Variants in RYR2 observed in about 807,000 individuals in gnomAD.
RYR2 encodes the protein cardiac muscle ryanodine receptor-calcium release channel.
Under a neutral mutation model 601.1 loss-of-function variants are expected in RYR2, and 227 were observed. The ratio of observed to expected loss-of-function variants is 0.38; its 90% CI spans 0.34 to 0.42. The LOEUF (loss-of-function observed/expected upper bound fraction) is 0.42, where lower values mean the gene tolerates loss of function less well. Ranked by LOEUF, RYR2 falls within the 10% of genes least tolerant of loss-of-function variation. The pLI is 1.00. For missense variants in RYR2, 4,646 were observed against 6,156.5 expected (o/e 0.75, Z 8.21); for synonymous variants, 2,223 against 2,175.1 (o/e 1.02, Z -0.61).
chr1:237,227,823 T>C (rs1684552263), intron 1 of RYR2, among the ~76,000 whole-genome samples: 1 of 152,262 alleles, frequency 6.6e-6, no homozygotes, highest in Non-Finnish European at 1.5e-5. Flanking sequence ...ATTATCTTAC[T>C]TTTTTATTAA....
intron 10 of RYR2, among the ~76,000 whole-genome samples, chr1:237,402,195 A>T (rs1206309952): frequency 6.6e-6 from 1 of 151,330 alleles, no homozygotes; most frequent in Non-Finnish European, 1.5e-5. Context: ...GGAGTTCGAG[A>T]CCTGCCTGGG....
intron 1 of RYR2, among the ~76,000 whole-genome samples, chr1:237,073,747 T>C (rs1023389974): frequency 6.6e-6 from 1 of 151,864 alleles, no homozygotes; most frequent in African/African-American, 2.4e-5. Flanking sequence ...GGCATGCACC[T>C]GTAGTCCCAG....
intron 96 of RYR2, among the ~76,000 whole-genome samples, chr1:237,795,873 T>TATATATAC (rs140571706): frequency 1.6e-4 from 22 of 140,886 alleles, no homozygotes; most frequent in Admixed American, 2.8e-4. Context: ...TATATATATA[T>TATATATAC]ACACATATAT....
At chr1:237,696,329 T>C (rs1687430545) in intron 63 of RYR2, among the ~76,000 whole-genome samples, 2 of 152,136 alleles carry the variant, frequency 1.3e-5, no homozygotes, top group African/African-American at 4.8e-5. Flanking sequence ...ACTGGATCTC[T>C]TCCTCCTCAT....
intron 2 of RYR2, among the ~76,000 whole-genome samples, chr1:237,317,992 T>C (rs756115423): frequency 2.6e-5 from 4 of 152,170 alleles, no homozygotes; most frequent in African/African-American, 7.2e-5. Flanking sequence ...ATGTTGTTTT[T>C]TCATATGCCT....
At chr1:237,483,069 A>C (rs2150372212) in intron 17 of RYR2, among the ~76,000 whole-genome samples, 1 of 152,186 alleles carries the variant, frequency 6.6e-6, no homozygotes, top group South Asian at 2.1e-4. Flanking sequence ...CCAAGGTCTA[A>C]CAGGCTGGTT....
At chr1:237,364,404 T>C in intron 5 of RYR2, 32 bp downstream of exon 5, 1 of 1,278,188 alleles carries the variant, frequency 7.8e-7, no homozygotes, top group Non-Finnish European at 1.1e-6. Flanking sequence ...GCTATGTATA[T>C]ATATAGCAGA....
intron 84 of RYR2, among the ~76,000 whole-genome samples, chr1:237,767,666 ATTTT>A (rs1421018668): frequency 6.6e-6 from 1 of 152,176 alleles, no homozygotes; most frequent in Non-Finnish European, 1.5e-5. Flanking sequence ...CTGTAAGCTT[ATTTT>A]TTAAATTTAC....
At chr1:237,281,666 C>T (rs1051110291) in intron 2 of RYR2, among the ~76,000 whole-genome samples, 2 of 152,248 alleles carry the variant, frequency 1.3e-5, no homozygotes, top group African/African-American at 4.8e-5. Context: ...AGACTCCCCC[C>T]AGATGGTGCA....
At chr1:237,470,865 A>G (rs1434441482) in intron 17 of RYR2, among the ~76,000 whole-genome samples, 1 of 152,022 alleles carries the variant, frequency 6.6e-6, no homozygotes, top group Non-Finnish European at 1.5e-5. Context: ...ATAGGGAAAG[A>G]GAGAGGAAGA....
chr1:237,269,380 A>T (rs1372668506), intron 1 of RYR2, among the ~76,000 whole-genome samples: 1 of 152,072 alleles, frequency 6.6e-6, no homozygotes, highest in African/African-American at 2.4e-5. Flanking sequence ...AAATAAAAAA[A>T]AAAACAACTT....
chr1:237,107,236 C>G (rs79236044), intron 1 of RYR2, among the ~76,000 whole-genome samples: 201 of 152,200 alleles, frequency 1.3e-3, no homozygotes, highest in African/African-American at 4.7e-3. Flanking sequence ...GTACTATGAG[C>G]CCCACTTAGG....
At chr1:237,480,031 A>G (rs768677765) in intron 17 of RYR2, among the ~76,000 whole-genome samples, 1 of 152,130 alleles carries the variant, frequency 6.6e-6, no homozygotes, top group African/African-American at 2.4e-5. Context: ...TGGACCTAAC[A>G]CAGTGAATGG....
intron 18 of RYR2, among the ~76,000 whole-genome samples, chr1:237,492,360 T>A (rs907347068): frequency 6.6e-6 from 1 of 152,346 alleles, no homozygotes; most frequent in Non-Finnish European, 1.5e-5. Context: ...TCAAGTAATA[T>A]TTTTTAGTGT....
At chr1:237,657,868 CTG>C in intron 53 of RYR2, 74 bp from the exon 54 acceptor site, 1 of 764,226 alleles carries the variant, frequency 1.3e-6, no homozygotes, top group Non-Finnish European at 2.1e-6. Context: ...CATTCATAAG[CTG>C]TGAGTAAATT....
rs1365269428 is a variant in RYR2, at chr1:237,149,245, CAGTTTT to C, written c.48+106682_48+106687del. On this transcript the variant is annotated intron_variant, in intron 1 of 104. Coordinates refer to ENST00000366574, the MANE Select transcript of RYR2 (RefSeq NM_001035.3). ...CTTGAAATTTTGGGAAGTTAAAAGA[CAGTTTT>C]AGTTTGAGGCTAGCCTGAGCAACAT... Among the ~76,000 whole-genome samples the C allele has an allele frequency of 1.8e-4, 27 of 152,172 alleles. No individual in the cohort carries two copies. The South Asian group carries it at 4.6e-3, about 26-fold the overall frequency.
intron 10 of RYR2, among the ~76,000 whole-genome samples, chr1:237,403,033 G>A (rs1408599671): frequency 6.6e-6 from 1 of 152,168 alleles, no homozygotes; most frequent in African/African-American, 2.4e-5. Flanking sequence ...AAAGGACAAG[G>A]GTGGGAGAGA....
At chr1:237,476,114 T>C (rs1308410469) in intron 17 of RYR2, among the ~76,000 whole-genome samples, 1 of 152,214 alleles carries the variant, frequency 6.6e-6, no homozygotes, top group Non-Finnish European at 1.5e-5. Context: ...CCTGCACAGT[T>C]TTGCAGTGAT....
rs900669009 is a variant in RYR2, at chr1:237,187,249, C to A, written c.49-83248C>A. ...GCAGTGGCGTGATCTCAGCTCACTG[C>A]GACCTCTGCTTCCTGGGTTCAAGTG... On this transcript the variant is annotated intron_variant, in intron 1 of 104. Coordinates refer to ENST00000366574, the MANE Select transcript of RYR2 (RefSeq NM_001035.3). Among the ~76,000 whole-genome samples, 10 of 151,118 alleles carry A rather than the reference C, an allele frequency of 6.6e-5. No individual in the cohort carries two copies. In the South Asian group the frequency reaches 8.4e-4, roughly 13 times the overall value.
Sources: gnomAD v4.1 joint callset for allele counts (sites outside exome capture counted in the v4.1 genomes callset) on GRCh38, gnomAD v4.1.1 for gene constraint, MANE v1.5 for transcripts, NCBI Gene and HGNC (gene_info 2026-07-23, HGNC 2026-07-21) for gene names.